Variants in PDE4D observed in about 807,000 individuals in gnomAD.
PDE4D encodes phosphodiesterase 4D, also known as 3',5'-cyclic-AMP phosphodiesterase 4D.
PDE4D carries 24 observed loss-of-function variants against 87.4 expected under a neutral mutation model. The observed-to-expected ratio is 0.27, with a 90% CI of 0.20 to 0.39. PDE4D has a LOEUF of 0.39. Among genes scored for constraint, PDE4D ranks in the 10% least tolerant of loss-of-function variants. The pLI, the probability that PDE4D is intolerant of heterozygous loss-of-function variation, is 1.00. For missense variants in PDE4D, 714 were observed against 1,041.0 expected (o/e 0.69, Z 4.32); for synonymous variants, 384 against 383.2 (o/e 1.00, Z -0.02).
intron 2 of PDE4D, among the ~76,000 whole-genome samples, chr5:60,094,766 G>A (rs999136694): frequency 1.2e-4 from 18 of 151,950 alleles, no homozygotes; most frequent in African/African-American, 3.4e-4. Context: ...CAACGCTACT[G>A]GCACCTTGAT....
intron 1 of PDE4D, among the ~76,000 whole-genome samples, chr5:59,481,944 T>C (rs1804339183): frequency 6.6e-6 from 1 of 152,098 alleles, no homozygotes; most frequent in Non-Finnish European, 1.5e-5. Context: ...AAATTATAAG[T>C]TAATTTGCAT....
At chr5:59,362,658 G>T (rs1322223436) in intron 1 of PDE4D, among the ~76,000 whole-genome samples, 6 of 152,064 alleles carry the variant, frequency 3.9e-5, no homozygotes, top group African/African-American at 1.4e-4. Context: ...GTTTAATTGG[G>T]AAACCAGTTG....
At chr5:60,507,892 T>C (rs1434873164) in intron 1 of PDE4D, among the ~76,000 whole-genome samples, 1 of 152,228 alleles carries the variant, frequency 6.6e-6, no homozygotes, top group South Asian at 2.1e-4. Context: ...AACCTCAGAC[T>C]GACTTATAAA....
intron 1 of PDE4D, among the ~76,000 whole-genome samples, chr5:59,505,408 G>A (rs1434545199): frequency 2.0e-5 from 3 of 152,132 alleles, no homozygotes; most frequent in Non-Finnish European, 2.9e-5. Context: ...CTCTTGCAGT[G>A]CATCAATATA....
At chr5:59,093,947 T>G (rs1769209176) in intron 5 of PDE4D, among the ~76,000 whole-genome samples, 1 of 151,880 alleles carries the variant, frequency 6.6e-6, no homozygotes, top group Admixed American at 6.6e-5. Flanking sequence ...AGGCTGGGCA[T>G]GTTGGCTCAT....
intron 1 of PDE4D, among the ~76,000 whole-genome samples, chr5:60,468,637 G>T (rs754774553): frequency 6.6e-6 from 1 of 151,626 alleles, no homozygotes; most frequent in Non-Finnish European, 1.5e-5. Context: ...TAAGAGTCAG[G>T]GTTACTTTTT....
intron 2 of PDE4D, among the ~76,000 whole-genome samples, chr5:60,154,372 G>T (rs772681308): frequency 1.3e-5 from 2 of 152,034 alleles, no homozygotes; most frequent in Non-Finnish European, 2.9e-5. Context: ...TGTCTCCCAG[G>T]TTCAAGCAAT....
chr5:60,519,603 G>A (rs62372020), intron 1 of PDE4D, among the ~76,000 whole-genome samples: 1 of 149,876 alleles, frequency 6.7e-6, no homozygotes, highest in East Asian at 1.9e-4. Context: ...CGTCCTGTTT[G>A]GAAAAAAAAG....
At chr5:60,213,753 C>T (rs1329789327) in intron 1 of PDE4D, among the ~76,000 whole-genome samples, 5 of 152,112 alleles carry the variant, frequency 3.3e-5, no homozygotes, top group African/African-American at 1.2e-4. Flanking sequence ...TCCTTTATGC[C>T]TCTGTCATTG....
At chr5:59,282,136 G>T (rs913783119) in intron 1 of PDE4D, among the ~76,000 whole-genome samples, 2 of 151,996 alleles carry the variant, frequency 1.3e-5, no homozygotes, top group Non-Finnish European at 2.9e-5. Context: ...TATAACTTTA[G>T]TTCTTATTTC....
intron 2 of PDE4D, among the ~76,000 whole-genome samples, chr5:60,041,261 A>G (rs1281863693): frequency 2.0e-5 from 3 of 152,126 alleles, no homozygotes; most frequent in Admixed American, 2.0e-4. Flanking sequence ...TTCTCTATGT[A>G]TGTTCTACAT....
intron 1 of PDE4D, among the ~76,000 whole-genome samples, chr5:59,764,776 C>T (rs1762581147): frequency 6.6e-6 from 1 of 151,414 alleles, no homozygotes; most frequent in Non-Finnish European, 1.5e-5. Context: ...GTGCCTCAGC[C>T]TCCTGTGGAG....
chr5:59,334,083 C>T (rs187694386), intron 1 of PDE4D, among the ~76,000 whole-genome samples: 43 of 151,890 alleles, frequency 2.8e-4, no homozygotes, highest in African/African-American at 7.7e-4. Context: ...TACTAAGTTT[C>T]CTCATAAAAG....
chr5:59,913,255 C>T (rs191569486), intron 3 of PDE4D, among the ~76,000 whole-genome samples: 28 of 152,246 alleles, frequency 1.8e-4, no homozygotes, highest in African/African-American at 6.7e-4. Context: ...AAGATGGTTC[C>T]TTAATCCCAA....
intron 1 of PDE4D, among the ~76,000 whole-genome samples, chr5:60,324,947 G>A (rs998090206): frequency 1.3e-5 from 2 of 151,936 alleles, no homozygotes; most frequent in African/African-American, 4.8e-5. Context: ...TCAAAGACAT[G>A]GTAACCCAAA....
chr5:59,535,080 G>GC (rs1561146860), intron 1 of PDE4D, among the ~76,000 whole-genome samples: 1 of 147,568 alleles, frequency 6.8e-6, no homozygotes, highest in East Asian at 2.1e-4. Context: ...TGTGTGTGGG[G>GC]GGGGGGTCCT....
At chr5:60,422,499 G>C (rs1295784853) in intron 1 of PDE4D, among the ~76,000 whole-genome samples, 7 of 152,308 alleles carry the variant, frequency 4.6e-5, no homozygotes, top group Admixed American at 6.5e-5. Context: ...AATGCTGAGA[G>C]ATTTTGTCAC....
intron 3 of PDE4D, among the ~76,000 whole-genome samples, chr5:59,921,023 T>G (rs34162234): frequency 0.036 from 5,535 of 152,170 alleles, 118 homozygotes; most frequent in Middle Eastern, 0.048. Flanking sequence ...TTAAAAAAAG[T>G]GTCTACCTCA....
chr5:60,087,493 C>T (rs1292393071), intron 2 of PDE4D, among the ~76,000 whole-genome samples: 1 of 152,028 alleles, frequency 6.6e-6, no homozygotes, highest in Non-Finnish European at 1.5e-5. Flanking sequence ...CACAATAAAA[C>T]ACAGATTGAA....
Sources: gnomAD v4.1 joint callset for allele counts (sites outside exome capture counted in the v4.1 genomes callset) on GRCh38, gnomAD v4.1.1 for gene constraint, MANE v1.5 for transcripts, NCBI Gene and HGNC (gene_info 2026-07-23, HGNC 2026-07-21) for gene names.